Variants in COL14A1 observed in about 807,000 individuals in gnomAD.
COL14A1 encodes the protein collagen type XIV alpha 1 chain.
COL14A1 carries 136 observed loss-of-function variants against 230.3 expected under a neutral mutation model. The observed-to-expected ratio is 0.59, with a 90% CI of 0.51 to 0.68. COL14A1 has a LOEUF of 0.68. Among genes scored for constraint, COL14A1 ranks in the 30% least tolerant of loss-of-function variants. COL14A1 has a pLI of 0.00. For synonymous variants in COL14A1, 792 were observed against 784.1 expected, an observed-to-expected ratio of 1.01 and a Z score of -0.17; for missense variants, 1,976 against 2,215.8, an observed-to-expected ratio of 0.89 and a Z score of 2.17.
At chr8:120,226,579 T>C in intron 15 of COL14A1, 48 bp from the exon 16 acceptor site, 2 of 1,606,704 alleles carry the variant, frequency 1.2e-6, no homozygotes, top group Non-Finnish European at 1.7e-6. Flanking sequence ...GGTTTTGGCT[T>C]TCTTGCCTTC....
chr8:120,241,817 A>G (rs1818617528), intron 19 of COL14A1, among the ~76,000 whole-genome samples: 2 of 152,174 alleles, frequency 1.3e-5, no homozygotes, highest in African/African-American at 4.8e-5. Flanking sequence ...CTCAATATCT[A>G]TATGGGCCTC....
chr8:120,208,328 G>A lies in COL14A1; in HGVS notation c.1288G>A (p.Ala430Thr), dbSNP rs1817512029. The change falls in exon 11 of 48, where the codon GCT becomes ACT. Residue 430 changes from alanine (A) to threonine (T), a missense_variant. Transcript: ENST00000297848. ...IAVFAIYAHTASEGLRGTETT... is the reference protein window; with the variant it reads ...IAVFAIYAHTTSEGLRGTETT... ...AGTCTTTGCAATCTATGCCCACACT[G>A]CTAGTGAAGGCCTACGGGGAACTGA... 17 of 1,613,516 alleles carry A rather than the reference G, an allele frequency of 1.1e-5. No homozygotes were observed. Among genetic ancestry groups the A allele is most frequent in the African/African-American group, 4.0e-5 (3 of 75,016 alleles).
chr8:120,304,018 A>G (rs571986106), intron 36 of COL14A1, among the ~76,000 whole-genome samples: 17 of 152,052 alleles, frequency 1.1e-4, no homozygotes, highest in Middle Eastern at 6.8e-3. Context: ...GTTTTCTAGT[A>G]TGTGTGCATA....
At chr8:120,249,334 C>T (rs1220879303) in intron 21 of COL14A1, among the ~76,000 whole-genome samples, 2 of 151,968 alleles carry the variant, frequency 1.3e-5, no homozygotes, top group Non-Finnish European at 2.9e-5. Context: ...TCAAATACTC[C>T]CACCTCCAAT....
chr8:120,189,981 G>A (rs897943088), intron 5 of COL14A1, among the ~76,000 whole-genome samples: 4 of 150,948 alleles, frequency 2.6e-5, no homozygotes, highest in South Asian at 2.1e-4. Context: ...ATGATTTATA[G>A]TCCTTTGGGT....
chr8:120,334,404 T>C (rs1389182126), intron 42 of COL14A1, among the ~76,000 whole-genome samples: 5 of 151,988 alleles, frequency 3.3e-5, no homozygotes, highest in African/African-American at 9.7e-5. Flanking sequence ...AAAATACTTT[T>C]AGATCTCTTC....
In COL14A1 at chr8:120,243,914, G is replaced by A. The variant is rs752708582; in HGVS notation, c.2385G>A (p.Leu795=). The A allele has an allele frequency of 6.8e-6, 11 of 1,613,614 alleles. No homozygotes were observed. The highest frequency in any genetic ancestry group is 1.7e-5 in the Admixed American group (1 of 60,010). The change falls in exon 20 of 48, where the codon CTG becomes CTA. Residue 795 remains leucine, a synonymous_variant. Coordinates refer to ENST00000297848, the MANE Select transcript of COL14A1 (RefSeq NM_021110.4). ...CTGGAAGCCAGAACAACCTCCTTCT[G>A]AAGCCTCTGCTTCCTGATACTGAAT... is the stretch of plus-strand genomic sequence containing the variant. ...MVPGSQNNLL[L]KPLLPDTEYK... is the part of the protein sequence containing the mutation.
intron 19 of COL14A1, among the ~76,000 whole-genome samples, chr8:120,239,650 G>A (rs904950406): frequency 2.6e-5 from 4 of 151,946 alleles, no homozygotes; most frequent in Non-Finnish European, 5.9e-5. Flanking sequence ...CACTTCAAAT[G>A]GTTCATGATT....
In COL14A1 at chr8:120,272,950, A is replaced by T. The variant is rs537653502; in HGVS notation, c.3213+2776A>T. Among the ~76,000 whole-genome samples the T allele has an allele frequency of 1.4e-4, 21 of 151,940 alleles. No homozygotes were observed. The South Asian group carries it at 4.1e-3, about 30-fold the overall frequency. Reference sequence around the variant, plus strand: ...ACACTCTAGAACAAATGGACCTAACATGTATTTACAGAAGATTCTATACAA... The same window carrying T: ...ACACTCTAGAACAAATGGACCTAACTTGTATTTACAGAAGATTCTATACAA... On this transcript the variant is annotated intron_variant, in intron 26 of 47. Coordinates refer to ENST00000297848, the MANE Select transcript of COL14A1 (RefSeq NM_021110.4).
intron 38 of COL14A1, 122 bp from the exon 39 acceptor site, chr8:120,315,411 C>G (rs1821186599): frequency 6.1e-5 from 28 of 457,792 alleles, no homozygotes; most frequent in Admixed American, 1.7e-4. Flanking sequence ...TATATATATT[C>G]TGTTTAGATG....
chr8:120,339,281 G>A (rs764014012), intron 42 of COL14A1, among the ~76,000 whole-genome samples: 5 of 152,164 alleles, frequency 3.3e-5, no homozygotes, highest in South Asian at 2.1e-4. Flanking sequence ...GTGAGCCACC[G>A]CGCCCTGCCA....
At chr8:120,172,095 A>G (rs771646372) in intron 5 of COL14A1, among the ~76,000 whole-genome samples, 1 of 152,020 alleles carries the variant, frequency 6.6e-6, no homozygotes, top group Non-Finnish European at 1.5e-5. Context: ...TGATCATTTT[A>G]TATTCTGAAT....
Position 120,212,571 on chromosome 8 carries a change from A to G in COL14A1, c.1591A>G (p.Thr531Ala). Reference protein sequence around the residue: ...EASDPVTGQETTLALSPPRNL... With the variant: ...EASDPVTGQEATLALSPPRNL... Reference sequence around the variant, plus strand: ...CAGTGATCCTGTTACGGGACAAGAAACAACATGTGAGCAGCACAGCCATTC... The same window carrying G: ...CAGTGATCCTGTTACGGGACAAGAAGCAACATGTGAGCAGCACAGCCATTC... The change falls in exon 13 of 48, where the codon ACA becomes GCA. Residue 531 changes from threonine (T) to alanine (A), a missense_variant. Around this residue, in one of 3 missense-constraint regions of COL14A1, gnomAD observed 1,791 missense variants for 2,019.5 expected, o/e 0.89. Transcript: ENST00000297848. 6.2e-7 allele frequency: 1 copy of G among 1,613,372 alleles called. No individual in the cohort carries two copies. Among genetic ancestry groups the G allele is most frequent in the Non-Finnish European group, 8.5e-7 (1 of 1,179,444 alleles).
chr8:120,262,933 C>T lies in COL14A1; in HGVS notation c.2935C>T (p.Pro979Ser). The T allele has an allele frequency of 6.2e-7, 1 of 1,613,486 alleles. No individual in the cohort carries two copies. The highest frequency in any genetic ancestry group is 1.1e-5 in the South Asian group (1 of 91,012). ...CAGGCATTGCTTCTATGGACTTCAG[C>T]CTGATTCTGAATATAAAATCAGTGT... ...TTRHCFYGLQ[P>S]DSEYKISVYT... The change falls in exon 24 of 48, where the codon CCT becomes TCT. Residue 979 changes from proline (P) to serine (S), a missense_variant. By Grantham distance (74) the Pro-to-Ser change is moderately conservative. Around this residue, in one of 3 missense-constraint regions of COL14A1, gnomAD observed 1,791 missense variants for 2,019.5 expected, o/e 0.89. Transcript: ENST00000297848.
rs138962158 is a variant in COL14A1, at chr8:120,223,591, A to G, written c.1738-1497A>G. 9.3e-3 allele frequency among the ~76,000 whole-genome samples: 1,417 copies of G among 152,222 alleles called. 14 individuals are homozygous for G. The highest frequency in any genetic ancestry group is 0.033 in the African/African-American group (1,350 of 41,526). On this transcript the variant is annotated intron_variant, in intron 14 of 47. Coordinates refer to ENST00000297848, the MANE Select transcript of COL14A1 (RefSeq NM_021110.4). Reference sequence around the variant, plus strand: ...AGGCTGAGGCAAGAGAATAGCTTGAAACCTGGAGGCGGAGGTTGCAGTGAG... The same window carrying G: ...AGGCTGAGGCAAGAGAATAGCTTGAGACCTGGAGGCGGAGGTTGCAGTGAG...
chr8:120,137,306 G>T (rs1814748002), intron 1 of COL14A1, among the ~76,000 whole-genome samples: 1 of 152,102 alleles, frequency 6.6e-6, no homozygotes, highest in South Asian at 2.1e-4. Context: ...GAAGTAGGCA[G>T]TTATATCCTC....
intron 34 of COL14A1, among the ~76,000 whole-genome samples, chr8:120,291,139 G>A (rs1299821262): frequency 6.6e-6 from 1 of 151,992 alleles, no homozygotes; most frequent in Non-Finnish European, 1.5e-5. Context: ...GCTTAATGGA[G>A]GATACTCCTA....
chr8:120,153,030 C>T (rs1247178123), intron 2 of COL14A1, among the ~76,000 whole-genome samples: 1 of 151,792 alleles, frequency 6.6e-6, no homozygotes, highest in Admixed American at 6.6e-5. Context: ...TATAATGGAT[C>T]ATGAAATTAC....
At chr8:120,174,510 C>G (rs921529383) in intron 5 of COL14A1, among the ~76,000 whole-genome samples, 12 of 152,158 alleles carry the variant, frequency 7.9e-5, no homozygotes, top group Admixed American at 7.2e-4. Context: ...GGCAAATGTT[C>G]TAATAAATAC....
Sources: allele counts gnomAD v4.1 joint callset (sites outside exome capture counted in the v4.1 genomes callset), GRCh38; gene constraint gnomAD v4.1.1; regional missense constraint gnomAD v4.1.1; transcripts MANE v1.5; gene names NCBI Gene and HGNC (gene_info 2026-07-23, HGNC 2026-07-21).